The following VPS35L variants were observed in gnomAD, a reference collection of about 807,000 sequenced individuals.
VPS35L encodes the protein VPS35 endosomal protein-sorting factor-like.
A neutral mutation model predicts 133.0 loss-of-function variants in VPS35L; 83 were observed. The observed-to-expected ratio is 0.62, with a 90% CI of 0.52 to 0.75. VPS35L has a LOEUF of 0.75. Among genes scored for constraint, VPS35L ranks in the 30% least tolerant of loss-of-function variants. VPS35L has a pLI of 0.00. For synonymous variants in VPS35L, 423 were observed against 449.9 expected, an observed-to-expected ratio of 0.94 and a Z score of 0.76; for missense variants, 1,083 against 1,206.8, an observed-to-expected ratio of 0.90 and a Z score of 1.52.
chr16:19,669,996 TG>T (rs1202061167), intron 27 of VPS35L, among the ~76,000 whole-genome samples: 6 of 151,770 alleles, frequency 4.0e-5, no homozygotes, highest in African/African-American at 1.5e-4. Context: ...TTAGGAGTCT[TG>T]CTCTGTCACC....
intron 26 of VPS35L, among the ~76,000 whole-genome samples, chr16:19,658,375 C>A (rs960757953): frequency 6.6e-6 from 1 of 152,048 alleles, no homozygotes; most frequent in Non-Finnish European, 1.5e-5. Context: ...ACTAAAAATA[C>A]AAAAATTAGC....
chr16:19,599,532 A>G (rs1470059093), intron 8 of VPS35L, among the ~76,000 whole-genome samples: 1 of 143,626 alleles, frequency 7.0e-6, no homozygotes, highest in Non-Finnish European at 1.5e-5. Flanking sequence ...TCATCCTCCA[A>G]AATACTTTTT....
intron 27 of VPS35L, among the ~76,000 whole-genome samples, chr16:19,680,921 C>A (rs553220182): frequency 2.1e-5 from 3 of 142,206 alleles, no homozygotes; most frequent in East Asian, 4.1e-4. Flanking sequence ...CCCGCCCCCC[C>A]CCTAAAAAAA....
chr16:19,658,743 T>C (rs982504803), intron 26 of VPS35L, among the ~76,000 whole-genome samples: 2 of 151,916 alleles, frequency 1.3e-5, no homozygotes, highest in South Asian at 2.1e-4. Flanking sequence ...TATCTTGTTA[T>C]TATACTGAAG....
chr16:19,682,947 C>A (rs1014105587), intron 28 of VPS35L, among the ~76,000 whole-genome samples: 32 of 151,564 alleles, frequency 2.1e-4, no homozygotes, highest in African/African-American at 7.8e-4. Context: ...TTGATTGAGA[C>A]AAGGTCTCAC....
In VPS35L at chr16:19,628,831, G is replaced by A. The variant is rs150649373; in HGVS notation, c.1500+78G>A. 4.1e-4 allele frequency: 262 copies of A among 639,096 alleles called. 5 individuals are homozygous for A. In the East Asian group the frequency reaches 0.01, roughly 25 times the overall value. The allele number at this position is 639,096 out of a possible 1,614,324, so 39.6% of individuals were successfully genotyped here. A position where few individuals can be genotyped will look rare whatever the true frequency, so the allele number is the denominator to read the frequency against. The stretch of plus-strand genomic sequence containing the variant: ...TTTTGAGATGAAGTCTTGCTCTGTC[G>A]CCCAGGCTAGAGTGCAATGGCGCCA... On this transcript the variant is annotated intron_variant, in intron 17 of 30. Coordinates refer to ENST00000417362, the MANE Select transcript of VPS35L (RefSeq NM_020314.7).
At chr16:19,625,596 G>A (rs1049147938) in intron 14 of VPS35L, among the ~76,000 whole-genome samples, 2 of 152,076 alleles carry the variant, frequency 1.3e-5, no homozygotes, top group Non-Finnish European at 2.9e-5. Context: ...CAACTCTTCC[G>A]AAGTCTCATC....
At chr16:19,672,471 G>C (rs939735362) in intron 27 of VPS35L, among the ~76,000 whole-genome samples, 2 of 152,174 alleles carry the variant, frequency 1.3e-5, no homozygotes, top group African/African-American at 4.8e-5. Context: ...ATTTTAGCAG[G>C]TATACTGTTT....
chr16:19,607,503 G>A (rs950056154), intron 9 of VPS35L, among the ~76,000 whole-genome samples: 1 of 152,212 alleles, frequency 6.6e-6, no homozygotes. Context: ...GAAAATGCGA[G>A]TTCTTTTATT....
chr16:19,605,596 T>G (rs1972515521), intron 9 of VPS35L, among the ~76,000 whole-genome samples: 1 of 152,232 alleles, frequency 6.6e-6, no homozygotes, highest in Admixed American at 6.5e-5. Flanking sequence ...GGCCTTGCAC[T>G]TGCTGTTTTC....
chr16:19,655,254 A>AT (rs1448510648), intron 26 of VPS35L, among the ~76,000 whole-genome samples: 3 of 152,280 alleles, frequency 2.0e-5, no homozygotes, highest in African/African-American at 7.2e-5. Flanking sequence ...TTATCTGATG[A>AT]TTTTTACTCA....
chr16:19,601,196 T>G (rs1972371783), intron 8 of VPS35L, among the ~76,000 whole-genome samples: 1 of 152,218 alleles, frequency 6.6e-6, no homozygotes, highest in Non-Finnish European at 1.5e-5. Context: ...CCCAAAGTGC[T>G]AGGATTACAG....
intron 8 of VPS35L, among the ~76,000 whole-genome samples, chr16:19,595,019 T>A (rs1181680994): frequency 1.3e-5 from 2 of 151,968 alleles, no homozygotes; most frequent in Non-Finnish European, 2.9e-5. Context: ...ATTGGGAGCA[T>A]GCCAGGCTGG....
At chr16:19,693,094 C>T (rs113813453) in intron 29 of VPS35L, among the ~76,000 whole-genome samples, 9 of 152,286 alleles carry the variant, frequency 5.9e-5, no homozygotes, top group Admixed American at 1.3e-4. Context: ...CTGGGGACCC[C>T]GAGCTGCAGT....
chr16:19,620,163 C>G (rs1272261774), intron 14 of VPS35L, among the ~76,000 whole-genome samples: 1 of 152,156 alleles, frequency 6.6e-6, no homozygotes, highest in Non-Finnish European at 1.5e-5. Context: ...AGAAATGCAG[C>G]CTTGGCCTGA....
At chr16:19,616,659 T>A in intron 13 of VPS35L, 27 bp from the exon 14 acceptor site, 3 of 1,608,384 alleles carry the variant, frequency 1.9e-6, no homozygotes, top group Non-Finnish European at 2.5e-6. Context: ...CCCCTCCTTT[T>A]CTAAGTGTTT....
intron 1 of VPS35L, among the ~76,000 whole-genome samples, chr16:19,562,277 C>T (rs1237035008): frequency 6.6e-6 from 1 of 151,982 alleles, no homozygotes; most frequent in Non-Finnish European, 1.5e-5. Context: ...AGAATTCGAT[C>T]AGATATTGAG....
intron 1 of VPS35L, among the ~76,000 whole-genome samples, chr16:19,558,958 C>A (rs1970943766): frequency 6.8e-6 from 1 of 147,960 alleles, no homozygotes; most frequent in African/African-American, 2.5e-5. Flanking sequence ...GAGTCAGAAT[C>A]TCTACATCAT....
At chr16:19,688,561 C>T (rs900256652) in intron 28 of VPS35L, among the ~76,000 whole-genome samples, 2 of 152,200 alleles carry the variant, frequency 1.3e-5, no homozygotes, top group African/African-American at 2.4e-5. Context: ...ACCCAGATTG[C>T]AGGCCCGTGC....
Sources: gnomAD v4.1 joint callset for allele counts (sites outside exome capture counted in the v4.1 genomes callset) on GRCh38, gnomAD v4.1.1 for gene constraint, MANE v1.5 for transcripts, NCBI Gene and HGNC (gene_info 2026-07-23, HGNC 2026-07-21) for gene names.